The following MYO5A variants were observed in gnomAD, a reference collection of about 807,000 sequenced individuals.
MYO5A encodes the protein unconventional myosin-Va.
MYO5A carries 98 observed loss-of-function variants against 249.7 expected under a neutral mutation model. That is an observed-to-expected ratio of 0.39 (90% CI 0.33 to 0.46). MYO5A has a LOEUF of 0.46. Among genes scored for constraint, MYO5A ranks in the 20% least tolerant of loss-of-function variants. MYO5A has a pLI of 0.98. For synonymous variants in MYO5A, 778 were observed against 810.6 expected, an observed-to-expected ratio of 0.96 and a Z score of 0.68; for missense variants, 1,696 against 2,308.8, an observed-to-expected ratio of 0.73 and a Z score of 5.44.
At chr15:52,353,803 T>C in intron 26 of MYO5A, 68 bp downstream of exon 26, 5 of 1,608,342 alleles carry the variant, frequency 3.1e-6, no homozygotes, top group African/African-American at 1.3e-5. Flanking sequence ...GAGTCTCCAC[T>C]AAGGAAGAGA....
At chr15:52,430,943 A>G (rs1356419024) in intron 2 of MYO5A, among the ~76,000 whole-genome samples, 7 of 151,998 alleles carry the variant, frequency 4.6e-5, no homozygotes, top group African/African-American at 1.7e-4. Context: ...TTTTTAAAAA[A>G]AGTCAAGGCT....
intron 4 of MYO5A, among the ~76,000 whole-genome samples, chr15:52,420,959 C>T (rs1378319273): frequency 1.3e-5 from 2 of 152,134 alleles, no homozygotes; most frequent in African/African-American, 2.4e-5. Flanking sequence ...CTACTTTCCT[C>T]ACCTGTAAAG....
chr15:52,346,542 G>A (rs558519770), intron 29 of MYO5A, 81 bp from the exon 30 acceptor site: 47 of 862,702 alleles, frequency 5.4e-5, no homozygotes, highest in Admixed American at 5.0e-4. Flanking sequence ...TGGTATAACT[G>A]GGGGGCAGTG....
At position 52,397,335 on chromosome 15, in the gene MYO5A, C is replaced by T. The variant is rs1299076061; in HGVS notation, c.1185G>A (p.Gln395=). Residue 395 remains glutamine, a synonymous_variant, in exon 10 of 42, where the codon CAG becomes CAA. Transcript: ENST00000399233. ...CCAAAGCATCGCGGGCATTCGTGGC[C>T]TGCAGCTTGGAGATGGGCTTGATGT... ...ETYIKPISKL[Q]ATNARDALAK... 1 of 1,614,034 alleles carries T rather than the reference C, an allele frequency of 6.2e-7. No individual in the cohort carries two copies. Among genetic ancestry groups the T allele is most frequent in the Admixed American group, 1.7e-5 (1 of 60,010 alleles).
intron 1 of MYO5A, among the ~76,000 whole-genome samples, chr15:52,481,702 T>C (rs2076718224): frequency 6.6e-6 from 1 of 152,134 alleles, no homozygotes; most frequent in Middle Eastern, 3.4e-3. Flanking sequence ...AATGAAGACA[T>C]AAAGATGTGG....
intron 1 of MYO5A, among the ~76,000 whole-genome samples, chr15:52,460,915 G>C (rs2076235835): frequency 6.6e-6 from 1 of 152,054 alleles, no homozygotes; most frequent in Non-Finnish European, 1.5e-5. Context: ...GTGGTCAAAG[G>C]AAAGTGCTCA....
chr15:52,402,975 G>A (rs1289338447), intron 9 of MYO5A, among the ~76,000 whole-genome samples: 12 of 152,140 alleles, frequency 7.9e-5, no homozygotes, highest in Non-Finnish European at 1.6e-4. Flanking sequence ...GACAAGCACC[G>A]GTTAGAAAAT....
At position 52,379,708 on chromosome 15, in the gene MYO5A, G is replaced by A. The variant is rs766595663; in HGVS notation, c.2125C>T (p.Arg709Cys). The change falls in exon 18 of 42, where the codon CGC (arginine) becomes TGC (cysteine). Residue 709 changes from arginine to cysteine, a missense_variant. By Grantham distance (180) the Arg-to-Cys change is radical (BLOSUM62 -3). Around this residue, in one of 5 missense-constraint regions of MYO5A, gnomAD observed 277 missense variants for 422.4 expected, o/e 0.66. Coordinates refer to ENST00000399233, the MANE Select transcript of MYO5A (RefSeq NM_001382347.1). ...TTCTGCTTCATTAGGACACGGTAGCGGCTGAAAAATTCTTGGTAAGTCCAC... is the reference window on the plus strand; with the variant it reads ...TTCTGCTTCATTAGGACACGGTAGCAGCTGAAAAATTCTTGGTAAGTCCAC... ...SRWTYQEFFS[R>C]YRVLMKQKDV... 3 of 1,614,114 alleles carry A rather than the reference G, an allele frequency of 1.9e-6. No homozygotes were observed. Among genetic ancestry groups the A allele is most frequent in the Non-Finnish European group, 2.5e-6 (3 of 1,180,000 alleles).
intron 30 of MYO5A, 77 bp from the exon 31 acceptor site, chr15:52,343,274 G>T: frequency 2.6e-6 from 3 of 1,152,790 alleles, no homozygotes; most frequent in Non-Finnish European, 3.9e-6. Flanking sequence ...GTCAACAGCA[G>T]CATGCAGTAT....
chr15:52,382,197 C>T (rs570283150), intron 16 of MYO5A, among the ~76,000 whole-genome samples: 3 of 152,204 alleles, frequency 2.0e-5, no homozygotes, highest in East Asian at 3.8e-4. Flanking sequence ...CCACTGCACC[C>T]GGCTGACGGA....
chr15:52,484,306 G>GT (rs981016750), intron 1 of MYO5A, among the ~76,000 whole-genome samples: 1 of 152,176 alleles, frequency 6.6e-6, no homozygotes, highest in African/African-American at 2.4e-5. Flanking sequence ...GGTAGCTATG[G>GT]TAGAAAATAC....
rs758240806 is a variant in MYO5A, at chr15:52,376,348, A to T, written c.2419T>A (p.Cys807Ser). 6.1e-5 allele frequency: 98 copies of T among 1,613,718 alleles called. 2 individuals are homozygous for T. The South Asian group carries it at 1.1e-3, about 18-fold the overall frequency. The change falls in exon 19 of 42, where the codon TGC (cysteine) becomes AGC (serine). Residue 807 changes from cysteine (C) to serine (S), a missense_variant and splice_region_variant. Cys to Ser is a moderately radical substitution (Grantham distance 112). Coordinates refer to ENST00000399233, the MANE Select transcript of MYO5A (RefSeq NM_001382347.1). Reference protein sequence around the residue: ...QRYVRGYQARCYAKFLRRTKA... With the variant: ...QRYVRGYQARSYAKFLRRTKA... Reference sequence around the variant, plus strand: ...CTACTCTGTCCCCAGGAGACCTACCATCGGGCCTGGTAGCCCCGCACGTAT... The same window carrying T: ...CTACTCTGTCCCCAGGAGACCTACCTTCGGGCCTGGTAGCCCCGCACGTAT...
chr15:52,460,654 C>A (rs897042265), intron 1 of MYO5A, among the ~76,000 whole-genome samples: 1 of 143,682 alleles, frequency 7.0e-6, no homozygotes, highest in African/African-American at 2.5e-5. Context: ...AGACGAGGAC[C>A]GTGCGAGGGC....
intron 9 of MYO5A, among the ~76,000 whole-genome samples, chr15:52,402,932 A>G (rs148014740): frequency 0.011 from 1,683 of 152,352 alleles, 12 homozygotes; most frequent in Middle Eastern, 0.027. Context: ...GTGAAATTGT[A>G]GTACTTATAG....
chr15:52,454,821 G>C (rs1247570410), intron 1 of MYO5A, among the ~76,000 whole-genome samples: 1 of 151,884 alleles, frequency 6.6e-6, no homozygotes, highest in African/African-American at 2.4e-5. Flanking sequence ...TACAGCAAAA[G>C]CAGTACTAAG....
chr15:52,414,877 T>C (rs1445577535), intron 5 of MYO5A, among the ~76,000 whole-genome samples: 5 of 152,254 alleles, frequency 3.3e-5, no homozygotes, highest in Non-Finnish European at 7.3e-5. Flanking sequence ...AAATTTTCAC[T>C]ACTCTCTTTC....
intron 1 of MYO5A, among the ~76,000 whole-genome samples, chr15:52,481,125 G>A (rs1271696238): frequency 6.6e-6 from 1 of 152,198 alleles, no homozygotes; most frequent in Admixed American, 6.5e-5. Context: ...ATTATTAGGT[G>A]CAAGCACATT....
chr15:52,402,812 T>A (rs1277064634), intron 9 of MYO5A, among the ~76,000 whole-genome samples: 1 of 151,728 alleles, frequency 6.6e-6, no homozygotes, highest in African/African-American at 2.4e-5. Context: ...ATCACTGCAC[T>A]CCAGACCAGG....
intron 1 of MYO5A, among the ~76,000 whole-genome samples, chr15:52,487,816 C>T (rs534171710): frequency 3.9e-5 from 6 of 151,920 alleles, no homozygotes; most frequent in African/African-American, 9.7e-5. Flanking sequence ...CATACTTGTA[C>T]GGCCGGCGTT....
Sources: gnomAD v4.1 joint callset for allele counts (sites outside exome capture counted in the v4.1 genomes callset) on GRCh38, gnomAD v4.1.1 for gene constraint, gnomAD v4.1.1 regional missense constraint, MANE v1.5 for transcripts, NCBI Gene and HGNC (gene_info 2026-07-23, HGNC 2026-07-21) for gene names.